The following ESCO1 variants were observed in gnomAD, a reference collection of about 807,000 sequenced individuals.
ESCO1 encodes N-acetyltransferase ESCO1.
Under a neutral mutation model 83.5 loss-of-function variants are expected in ESCO1, and 33 were observed. The ratio of observed to expected loss-of-function variants is 0.40; its 90% CI spans 0.30 to 0.53. The LOEUF is 0.53. Among genes scored for constraint, ESCO1 ranks in the 20% least tolerant of loss-of-function variants. The pLI is 0.63. For missense variants in ESCO1, 855 were observed against 968.0 expected (o/e 0.88, Z 1.55); for synonymous variants, 332 against 324.3 (o/e 1.02, Z -0.25).
intron 7 of ESCO1, among the ~76,000 whole-genome samples, chr18:21,562,761 A>G (rs1568101748): frequency 6.6e-6 from 1 of 152,116 alleles, no homozygotes; most frequent in African/African-American, 2.4e-5. Flanking sequence ...CAATCAAAAT[A>G]TCTCCTGTTT....
intron 8 of ESCO1, among the ~76,000 whole-genome samples, chr18:21,548,868 A>T (rs888425203): frequency 1.3e-5 from 2 of 151,756 alleles, no homozygotes; most frequent in Admixed American, 1.3e-4. Flanking sequence ...TGAGCCCAGG[A>T]GTTCAAGGCA....
chr18:21,594,084 A>G (rs2038725570), intron 1 of ESCO1, among the ~76,000 whole-genome samples: 1 of 152,250 alleles, frequency 6.6e-6, no homozygotes, highest in Non-Finnish European at 1.5e-5. Flanking sequence ...AGATGCCAGT[A>G]GCAACCCTTC....
chr18:21,598,388 T>C (rs1295083814), intron 1 of ESCO1, among the ~76,000 whole-genome samples: 2 of 152,134 alleles, frequency 1.3e-5, no homozygotes, highest in African/African-American at 2.4e-5. Context: ...GCCAGCACCT[T>C]GTATGGGACG....
intron 8 of ESCO1, among the ~76,000 whole-genome samples, chr18:21,542,162 T>C (rs2146176112): frequency 6.6e-6 from 1 of 152,322 alleles, no homozygotes; most frequent in East Asian, 1.9e-4. Flanking sequence ...CTAATGTTCA[T>C]GAAAACAGCA....
intron 4 of ESCO1, among the ~76,000 whole-genome samples, chr18:21,570,353 C>A (rs2038323628): frequency 6.6e-6 from 1 of 152,182 alleles, no homozygotes; most frequent in African/African-American, 2.4e-5. Flanking sequence ...CCCACCTCAA[C>A]CTCACAAAAT....
At chr18:21,572,952 G>A (rs1209805803) in intron 4 of ESCO1, among the ~76,000 whole-genome samples, 4 of 137,410 alleles carry the variant, frequency 2.9e-5, no homozygotes, top group East Asian at 2.2e-4. Flanking sequence ...GAACAAGGGC[G>A]AAACTCCATC....
intron 8 of ESCO1, among the ~76,000 whole-genome samples, chr18:21,545,301 C>T (rs949257055): frequency 6.6e-6 from 1 of 152,042 alleles, no homozygotes. Context: ...TGGACAGGTG[C>T]GGTGGCTCAT....
At chr18:21,580,145 C>T (rs767168523) in intron 2 of ESCO1, among the ~76,000 whole-genome samples, 2 of 151,952 alleles carry the variant, frequency 1.3e-5, no homozygotes, top group Admixed American at 1.3e-4. Context: ...GTAATCCAAC[C>T]GCCTCGGCTT....
chr18:21,598,559 G>A (rs891811454), intron 1 of ESCO1, among the ~76,000 whole-genome samples: 1 of 152,074 alleles, frequency 6.6e-6, no homozygotes, highest in African/African-American at 2.4e-5. Flanking sequence ...AAAATTAGCC[G>A]GGCATGGTGG....
chr18:21,544,759 C>G (rs1265540317), intron 8 of ESCO1, among the ~76,000 whole-genome samples: 1 of 152,126 alleles, frequency 6.6e-6, no homozygotes, highest in African/African-American at 2.4e-5. Context: ...GTGATCAGTA[C>G]AAAGGGGTTC....
intron 10 of ESCO1, among the ~76,000 whole-genome samples, chr18:21,533,545 G>A (rs1004765690): frequency 1.3e-5 from 2 of 152,192 alleles, no homozygotes; most frequent in South Asian, 2.1e-4. Flanking sequence ...ATGAGCCACC[G>A]TGCCCAGCCA....
At chr18:21,598,235 G>A (rs544748988) in intron 1 of ESCO1, among the ~76,000 whole-genome samples, 3 of 152,258 alleles carry the variant, frequency 2.0e-5, no homozygotes, top group South Asian at 2.1e-4. Context: ...CGCTGGTCAC[G>A]TTCATTAACA....
chr18:21,564,719 C>T (rs951765272), intron 6 of ESCO1, among the ~76,000 whole-genome samples: 5 of 151,830 alleles, frequency 3.3e-5, no homozygotes, highest in South Asian at 2.1e-4. Context: ...TTCTACACAA[C>T]GCTGATAAAT....
In ESCO1 at chr18:21,575,264, T is replaced by C. The variant is rs1341996654; in HGVS notation, c.-421A>G. The C allele has an allele frequency of 7.7e-6, 3 of 390,744 alleles. No homozygotes were observed. Among genetic ancestry groups the C allele is most frequent in the Non-Finnish European group, 1.4e-5 (3 of 221,598 alleles). The allele number at this position is 390,744 out of a possible 1,614,324, so 24.2% of individuals were successfully genotyped here. A position where few individuals can be genotyped will look rare whatever the true frequency, so the allele number is the denominator to read the frequency against. On this transcript the variant is annotated 5_prime_UTR_variant, in exon 4 of 12. Coordinates refer to ENST00000269214, the MANE Select transcript of ESCO1 (RefSeq NM_052911.3). ...TTTGATAAAATTTTTGAAAACTTTTTTCTTCTGAAGTCTACAGTTATTGGA... is the reference window on the plus strand; with the variant it reads ...TTTGATAAAATTTTTGAAAACTTTTCTCTTCTGAAGTCTACAGTTATTGGA...
In ESCO1 at chr18:21,532,666, G is replaced by C. The variant is rs16942700; in HGVS notation, c.2188-6C>G. On this transcript the variant is annotated splice_polypyrimidine_tract_variant and splice_region_variant and intron_variant, in intron 10 of 11. Coordinates refer to ENST00000269214, the MANE Select transcript of ESCO1 (RefSeq NM_052911.3). ...TCTTCTATAACTCTGTAGCCCTACA[G>C]GTGTCAAAAATGGGGAAAAAATTTA... The C allele has an allele frequency of 2.1e-3, 3,291 of 1,605,176 alleles. 77 individuals carry two copies. In the African/African-American group the frequency reaches 0.039, roughly 19 times the overall value.
At chr18:21,578,800 C>T (rs895409122) in intron 2 of ESCO1, among the ~76,000 whole-genome samples, 2 of 152,084 alleles carry the variant, frequency 1.3e-5, no homozygotes, top group Non-Finnish European at 2.9e-5. Flanking sequence ...CAAGTTCAAG[C>T]GATTCTCGTG....
chr18:21,572,840 T>C (rs768781780), intron 4 of ESCO1, among the ~76,000 whole-genome samples: 5 of 151,950 alleles, frequency 3.3e-5, no homozygotes, highest in South Asian at 2.1e-4. Flanking sequence ...GATGCATGCC[T>C]GTAATCCCAG....
chr18:21,576,305 G>T (rs1394124412), intron 2 of ESCO1, among the ~76,000 whole-genome samples: 2 of 152,064 alleles, frequency 1.3e-5, no homozygotes, highest in Non-Finnish European at 2.9e-5. Flanking sequence ...AAGAGTTTGT[G>T]ACCAGCCTGG....
intron 4 of ESCO1, among the ~76,000 whole-genome samples, chr18:21,568,723 T>A (rs932750187): frequency 7.2e-5 from 11 of 151,998 alleles, no homozygotes; most frequent in Admixed American, 7.2e-4. Flanking sequence ...ACCAACACAG[T>A]GAAACCTCGT....
Sources: gnomAD v4.1 joint callset for allele counts (sites outside exome capture counted in the v4.1 genomes callset) on GRCh38, gnomAD v4.1.1 for gene constraint, MANE v1.5 for transcripts, NCBI Gene and HGNC (gene_info 2026-07-23, HGNC 2026-07-21) for gene names.